Variants in MGAT4C observed in about 807,000 individuals in gnomAD.
MGAT4C encodes MGAT4 family member C.
In MGAT4C, 19 loss-of-function variants were observed where a neutral mutation model predicts 40.1. The observed-to-expected ratio is 0.47, with a 90% CI of 0.33 to 0.70. The LOEUF is 0.70. MGAT4C is among the 30% of genes least tolerant of loss of function. The probability of loss-of-function intolerance (pLI) is 0.02; values close to 1 mark genes in which losing one functional copy is unlikely to be tolerated. For synonymous variants in MGAT4C, 181 were observed against 187.1 expected, an observed-to-expected ratio of 0.97 and a Z score of 0.27; for missense variants, 491 against 563.2, an observed-to-expected ratio of 0.87 and a Z score of 1.30.
chr12:85,987,076 C>G (rs1458850531), intron 3 of MGAT4C, among the ~76,000 whole-genome samples: 1 of 141,090 alleles, frequency 7.1e-6, no homozygotes, highest in African/African-American at 2.6e-5. Flanking sequence ...ATTGCTTTAA[C>G]TCATTTTTTT....
At chr12:86,573,998 C>G (rs191866242) in intron 2 of MGAT4C, among the ~76,000 whole-genome samples, 1 of 151,782 alleles carries the variant, frequency 6.6e-6, no homozygotes, top group Non-Finnish European at 1.5e-5. Flanking sequence ...TATACTCTTA[C>G]ACAAGGTACG....
intron 2 of MGAT4C, among the ~76,000 whole-genome samples, chr12:86,655,856 T>A (rs1353092010): frequency 6.6e-6 from 1 of 152,010 alleles, no homozygotes; most frequent in African/African-American, 2.4e-5. Context: ...TTAAAAAGTT[T>A]TAGAAGCAGA....
intron 1 of MGAT4C, among the ~76,000 whole-genome samples, chr12:86,783,718 T>C (rs532107315): frequency 1.4e-4 from 21 of 152,252 alleles, no homozygotes; most frequent in African/African-American, 4.1e-4. Flanking sequence ...AAAATGATAA[T>C]AGGACCAAAT....
At chr12:86,267,729 T>C (rs532824694) in intron 4 of MGAT4C, among the ~76,000 whole-genome samples, 1 of 152,194 alleles carries the variant, frequency 6.6e-6, no homozygotes, top group African/African-American at 2.4e-5. Context: ...TGGAACACCA[T>C]TGAATAAATG....
intron 4 of MGAT4C, among the ~76,000 whole-genome samples, chr12:86,278,116 G>A (rs77821423): frequency 1.4e-5 from 2 of 145,142 alleles, no homozygotes; most frequent in Non-Finnish European, 3.0e-5. Flanking sequence ...CACTTCTTTG[G>A]TTAATTCCTA....
intron 1 of MGAT4C, among the ~76,000 whole-genome samples, chr12:86,830,018 T>C (rs12824935): frequency 0.097 from 14,630 of 151,404 alleles, 978 homozygotes; most frequent in Non-Finnish European, 0.14. Context: ...TGTTACTGAA[T>C]TTTACCTCAT....
intron 1 of MGAT4C, among the ~76,000 whole-genome samples, chr12:86,253,328 A>AAGGG (rs929168128): frequency 6.6e-6 from 1 of 151,768 alleles, no homozygotes; most frequent in Non-Finnish European, 1.5e-5. Context: ...CGGCTGTATT[A>AAGGG]AGGGAGGGAG....
At chr12:86,636,364 T>C (rs1418879620) in intron 2 of MGAT4C, among the ~76,000 whole-genome samples, 2 of 152,068 alleles carry the variant, frequency 1.3e-5, no homozygotes, top group Non-Finnish European at 2.9e-5. Flanking sequence ...CCTCAAAATA[T>C]CTTACTACTG....
intron 1 of MGAT4C, among the ~76,000 whole-genome samples, chr12:86,836,920 G>GT (rs757249213): frequency 1.3e-4 from 19 of 151,984 alleles, no homozygotes; most frequent in Admixed American, 9.8e-4. Flanking sequence ...TTAGCACATT[G>GT]TTTGAGATTT....
intron 1 of MGAT4C, among the ~76,000 whole-genome samples, chr12:86,746,968 T>G (rs773225558): frequency 6.6e-6 from 1 of 151,652 alleles, no homozygotes; most frequent in Non-Finnish European, 1.5e-5. Flanking sequence ...CGTTCTTGGT[T>G]TCCATCCTCT....
At chr12:86,795,328 T>C (rs1409518641) in intron 1 of MGAT4C, among the ~76,000 whole-genome samples, 2 of 151,976 alleles carry the variant, frequency 1.3e-5, no homozygotes, top group Non-Finnish European at 2.9e-5. Context: ...TCAACTGCTG[T>C]AGTTACACTT....
intron 1 of MGAT4C, among the ~76,000 whole-genome samples, chr12:86,835,039 G>T (rs572058059): frequency 6.6e-6 from 1 of 151,678 alleles, no homozygotes; most frequent in Non-Finnish European, 1.5e-5. Context: ...ATTTGGAAAC[G>T]TACAAAATTT....
chr12:86,102,165 C>T (rs1875217518), intron 1 of MGAT4C, among the ~76,000 whole-genome samples: 1 of 151,832 alleles, frequency 6.6e-6, no homozygotes, highest in Non-Finnish European at 1.5e-5. Context: ...CTGATGTAAA[C>T]TTGAATAACT....
chr12:86,271,720 TC>T (rs1315210959), intron 4 of MGAT4C, among the ~76,000 whole-genome samples: 1 of 152,198 alleles, frequency 6.6e-6, no homozygotes, highest in Non-Finnish European at 1.5e-5. Context: ...TGCAGCACTA[TC>T]CACAATAGCA....
At chr12:86,664,560 C>T (rs959464941) in intron 2 of MGAT4C, among the ~76,000 whole-genome samples, 2 of 151,976 alleles carry the variant, frequency 1.3e-5, no homozygotes, top group African/African-American at 4.8e-5. Context: ...AAGTTAGGGA[C>T]CATCTGTAGT....
In MGAT4C at chr12:86,550,912, G is replaced by T. The variant is rs1207436838; in HGVS notation, c.-228-115647C>A. Among the ~76,000 whole-genome samples, 5 of 152,282 alleles carry T rather than the reference G, an allele frequency of 3.3e-5. No individual in the cohort carries two copies. In the East Asian group the frequency reaches 7.7e-4, roughly 24 times the overall value. On this transcript the variant is annotated intron_variant, in intron 2 of 7. Transcript: ENST00000548651. Reference sequence around the variant, plus strand: ...CTACATTGCTTCCCCACTCTCCATGGACATTTCTCTGCCGGGCCCAATGTG... The same window carrying T: ...CTACATTGCTTCCCCACTCTCCATGTACATTTCTCTGCCGGGCCCAATGTG...
intron 2 of MGAT4C, among the ~76,000 whole-genome samples, chr12:86,636,554 G>A (rs1593067410): frequency 6.6e-6 from 1 of 152,018 alleles, no homozygotes; most frequent in East Asian, 1.9e-4. Flanking sequence ...ACCAGAGCTT[G>A]CTTTTTCTCT....
chr12:86,292,866 T>C (rs1454479520), intron 4 of MGAT4C, among the ~76,000 whole-genome samples: 11 of 151,884 alleles, frequency 7.2e-5, no homozygotes, highest in Non-Finnish European at 1.6e-4. Context: ...CCTGCAACTT[T>C]GGGACTTCTA....
chr12:86,317,605 C>T (rs915153483), intron 4 of MGAT4C, among the ~76,000 whole-genome samples: 5 of 151,818 alleles, frequency 3.3e-5, no homozygotes, highest in African/African-American at 1.2e-4. Flanking sequence ...TGACTTTGGG[C>T]TTATTTTATG....
Sources: gnomAD v4.1 joint callset for allele counts (sites outside exome capture counted in the v4.1 genomes callset) on GRCh38, gnomAD v4.1.1 for gene constraint, MANE v1.5 for transcripts, NCBI Gene and HGNC (gene_info 2026-07-23, HGNC 2026-07-21) for gene names.